SLC15A4: variants seen among roughly 807,000 people sequenced by gnomAD.
The protein encoded by SLC15A4 is hPHT1.
A neutral mutation model predicts 46.1 loss-of-function variants in SLC15A4; 26 were observed. The ratio of observed to expected loss-of-function variants is 0.56; its 90% CI spans 0.41 to 0.78. SLC15A4 has a LOEUF of 0.78. SLC15A4 is among the 30% of genes least tolerant of loss of function. The pLI, the probability that SLC15A4 is intolerant of heterozygous loss-of-function variation, is 0.00. For synonymous variants in SLC15A4, 370 were observed against 333.4 expected (o/e 1.11, Z -1.20); for missense variants, 751 against 755.7 (o/e 0.99, Z 0.07).
chr12:128,805,462 A>C (rs1955573581), intron 5 of SLC15A4, among the ~76,000 whole-genome samples: 1 of 152,200 alleles, frequency 6.6e-6, no homozygotes, highest in Admixed American at 6.5e-5. Flanking sequence ...TTACCAATAA[A>C]CCTAACATAA....
intron 7 of SLC15A4, among the ~76,000 whole-genome samples, chr12:128,795,939 G>C (rs1955437801): frequency 6.6e-6 from 1 of 152,250 alleles, no homozygotes; most frequent in Admixed American, 6.5e-5. Context: ...CACGAGGGGA[G>C]CGAGTGCTCT....
At chr12:128,807,886 T>C (rs1282571102) in intron 5 of SLC15A4, among the ~76,000 whole-genome samples, 1 of 152,234 alleles carries the variant, frequency 6.6e-6, no homozygotes, top group East Asian at 1.9e-4. Flanking sequence ...TTTCTTTAAA[T>C]CTATTAAGTA....
chr12:128,797,512 C>G (rs970845870), intron 7 of SLC15A4, among the ~76,000 whole-genome samples: 42 of 152,316 alleles, frequency 2.8e-4, no homozygotes, highest in African/African-American at 9.4e-4. Flanking sequence ...ATGGTATGCA[C>G]GTTCTCCCCA....
chr12:128,797,186 C>T (rs1593002422), intron 7 of SLC15A4, among the ~76,000 whole-genome samples: 1 of 152,086 alleles, frequency 6.6e-6, no homozygotes, highest in East Asian at 1.9e-4. Flanking sequence ...TCACAACAGC[C>T]CCACACTGCC....
At chr12:128,794,403 G>T (rs1955422378) in intron 7 of SLC15A4, 47 bp from the exon 8 acceptor site, 2 of 1,550,398 alleles carry the variant, frequency 1.3e-6, no homozygotes, top group Non-Finnish European at 1.7e-6. Flanking sequence ...GCTGCTACAG[G>T]TATTTTTTCA....
chr12:128,809,707 G>C (rs4482069), intron 3 of SLC15A4: 336,571 of 541,110 alleles, frequency 0.62, 105,568 homozygotes, highest in Non-Finnish European at 0.65. Flanking sequence ...ACATTAACAA[G>C]AGGGGCCTGA....
chr12:128,799,217 C>A lies in SLC15A4; in HGVS notation c.1573+42G>T, dbSNP rs115063788. ...ATCTCCTGAGTGCCTGCGCCTCCCC[C>A]TCACTGGCTATTTTCAAAAGGGACA... On this transcript the variant is annotated intron_variant, in intron 7 of 7. Coordinates refer to ENST00000266771, the MANE Select transcript of SLC15A4 (RefSeq NM_145648.4). 1,631 of 1,608,770 alleles carry A rather than the reference C, an allele frequency of 1.0e-3. 20 individuals carry two copies. The African/African-American group carries it at 0.019, about 19-fold the overall frequency.
intron 2 of SLC15A4, among the ~76,000 whole-genome samples, chr12:128,810,672 G>C (rs1205811264): frequency 6.6e-6 from 1 of 152,196 alleles, no homozygotes; most frequent in Non-Finnish European, 1.5e-5. Flanking sequence ...TCAGCTCTTG[G>C]ATTAAGGAAG....
intron 1 of SLC15A4, chr12:128,815,374 T>C (rs999656405): frequency 1.2e-5 from 3 of 252,924 alleles, no homozygotes; most frequent in Non-Finnish European, 2.3e-5. Flanking sequence ...TGCCTTGGAA[T>C]TACCTGGAAT....
intron 1 of SLC15A4, among the ~76,000 whole-genome samples, chr12:128,822,832 A>T (rs1955867050): frequency 6.7e-6 from 1 of 149,814 alleles, no homozygotes; most frequent in East Asian, 2.0e-4. Flanking sequence ...CACTGCGCTC[A>T]GCGTATTTTT....
At chr12:128,816,659 C>G (rs1439750222) in intron 1 of SLC15A4, among the ~76,000 whole-genome samples, 1 of 152,090 alleles carries the variant, frequency 6.6e-6, no homozygotes, top group Non-Finnish European at 1.5e-5. Context: ...GACAGACCCC[C>G]ATCTCTACAA....
At position 128,800,872 on chromosome 12, in the gene SLC15A4, T is replaced by C; in HGVS notation, c.1396A>G (p.Ile466Val). Residue 466 changes from isoleucine (I) to valine (V), a missense_variant, in exon 6 of 8, where the codon ATC becomes GTC. Coordinates refer to ENST00000266771, the MANE Select transcript of SLC15A4 (RefSeq NM_145648.4). ...TCCTCACCTGCGATACTTGCAAAGA[T>C]CTCGCTGATCCCAATCAGCAAGTAC... ...PQYLLIGISE[I>V]FASIAGLEFA... The C allele has an allele frequency of 1.2e-6, 2 of 1,612,764 alleles. No homozygotes were observed. The highest frequency in any genetic ancestry group is 1.7e-6 in the Non-Finnish European group (2 of 1,179,552).
In SLC15A4 at chr12:128,814,352, G is replaced by C. The variant is rs192615694; in HGVS notation, c.842+423C>G. On this transcript the variant is annotated intron_variant, in intron 2 of 7. Coordinates refer to ENST00000266771, the MANE Select transcript of SLC15A4 (RefSeq NM_145648.4). ...GAGGCAGTGGCTTACTTTTTAAAGA[G>C]CAGAGACAGGTACTGACAGCATAAG... 2.6e-3 allele frequency: 480 copies of C among 183,668 alleles called. 3 individuals are homozygous for C. The highest frequency in any genetic ancestry group is 3.2e-3 in the Non-Finnish European group (269 of 84,498). 11.4% of individuals were successfully genotyped at this position (183,668 alleles called of 1,614,324 possible).
At position 128,794,171 on chromosome 12, in the gene SLC15A4, G is replaced by A; in HGVS notation, c.*25C>T. The A allele has an allele frequency of 6.3e-7, 1 of 1,587,012 alleles. No individual in the cohort carries two copies. The stretch of plus-strand genomic sequence containing the variant: ...GTCAGTTACTGACATGTCAGCCTCA[G>A]AAACCGCACATGGCCTCAGGAAGGT... On this transcript the variant is annotated 3_prime_UTR_variant, in exon 8 of 8. Transcript: ENST00000266771.
intron 7 of SLC15A4, among the ~76,000 whole-genome samples, chr12:128,795,244 G>C (rs2135701453): frequency 6.6e-6 from 1 of 152,252 alleles, no homozygotes; most frequent in South Asian, 2.1e-4. Context: ...GAGATGAGCT[G>C]GTTTCTGAAT....
At position 128,809,421 on chromosome 12, in the gene SLC15A4, G is replaced by C. The variant is rs79750980; in HGVS notation, c.1064C>G (p.Ser355Ter). ...CGTGTGAGGAGTGGTTGTAATATTT[G>C]AAATTTCTGGAATCCTCAAATGAAG... ...QSLHLRIPEI[S>*]NITTTPHTLP... Residue 355 changes from serine (S) to a stop codon, truncating the protein, a stop_gained, in exon 4 of 8, where the codon TCA becomes TGA. Coordinates refer to ENST00000266771, the MANE Select transcript of SLC15A4 (RefSeq NM_145648.4). LOFTEE classifies it high-confidence loss of function. 2 of 1,608,116 alleles carry C rather than the reference G, an allele frequency of 1.2e-6. No individual in the cohort carries two copies. Among genetic ancestry groups the C allele is most frequent in the Non-Finnish European group, 1.7e-6 (2 of 1,176,594 alleles).
rs1046446329 is a variant in SLC15A4, at chr12:128,808,875, T to C, written c.1171A>G (p.Ile391Val). Reference protein sequence around the residue: ...IPLKDKLVDPILRRHGLLPSS... With the variant: ...IPLKDKLVDPVLRRHGLLPSS... ...GGGAGCAGGCCATGTCTTCTCAAAA[T>C]GGGATCGACCAGTTTGTCCTTCAGA... The change falls in exon 5 of 8, where the codon ATT becomes GTT. Residue 391 changes from isoleucine (I) to valine (V), a missense_variant. Coordinates refer to ENST00000266771, the MANE Select transcript of SLC15A4 (RefSeq NM_145648.4). The C allele has an allele frequency of 8.1e-6, 13 of 1,614,080 alleles. No homozygotes were observed. The highest frequency in any genetic ancestry group is 1.1e-5 in the Non-Finnish European group (13 of 1,180,050).
At chr12:128,810,395 G>A (rs928476042) in intron 2 of SLC15A4, 15 of 373,644 alleles carry the variant, frequency 4.0e-5, no homozygotes, top group South Asian at 1.1e-4. Flanking sequence ...TGTGAACCAC[G>A]GCTGAGCTGA....
intron 7 of SLC15A4, among the ~76,000 whole-genome samples, chr12:128,798,547 T>A (rs1955475431): frequency 6.6e-6 from 1 of 152,238 alleles, no homozygotes; most frequent in African/African-American, 2.4e-5. Flanking sequence ...GGCTAAGTAC[T>A]ACCGGACCAG....
Sources: gnomAD v4.1 joint callset for allele counts (sites outside exome capture counted in the v4.1 genomes callset) on GRCh38, gnomAD v4.1.1 for gene constraint, MANE v1.5 for transcripts, NCBI Gene and HGNC (gene_info 2026-07-23, HGNC 2026-07-21) for gene names.